Variants in EHD4 observed in about 807,000 individuals in gnomAD.
The protein encoded by EHD4 is EH domain-containing protein 4.
A neutral mutation model predicts 51.0 loss-of-function variants in EHD4; 37 were observed. The ratio of observed to expected loss-of-function variants is 0.73; its 90% CI spans 0.56 to 0.95. The LOEUF is 0.95. Among genes scored for constraint, EHD4 ranks in the 40% least tolerant of loss-of-function variants. The pLI, the probability that EHD4 is intolerant of heterozygous loss-of-function variation, is 0.00. For missense variants in EHD4, 632 were observed against 733.1 expected, an observed-to-expected ratio of 0.86 and a Z score of 1.59; for synonymous variants, 297 against 317.3, an observed-to-expected ratio of 0.94 and a Z score of 0.68.
intron 3 of EHD4, among the ~76,000 whole-genome samples, chr15:41,940,298 C>A (rs545791711): frequency 2.6e-5 from 4 of 152,164 alleles, no homozygotes; most frequent in Non-Finnish European, 5.9e-5. Context: ...CAGTTTGTAC[C>A]CAGTCTATTA....
chr15:41,937,940 C>T (rs550166861), intron 3 of EHD4, among the ~76,000 whole-genome samples: 1 of 152,264 alleles, frequency 6.6e-6, no homozygotes, highest in Admixed American at 6.5e-5. Context: ...GGAATATCTG[C>T]ACATACATAT....
chr15:41,908,711 T>A (rs2067528250), intron 5 of EHD4: 1 of 152,216 alleles, frequency 6.6e-6, no homozygotes, highest in African/African-American at 2.4e-5. Context: ...CATTGTCCAA[T>A]CTGCCCTGCC....
chr15:41,901,813 C>A, intron 5 of EHD4, among the ~76,000 whole-genome samples: 1 of 152,310 alleles, frequency 6.6e-6, no homozygotes, highest in Non-Finnish European at 1.5e-5. Flanking sequence ...ACAGGAACCC[C>A]GTAGGACCAG....
chr15:41,933,689 T>C (rs1481373175), intron 3 of EHD4, among the ~76,000 whole-genome samples: 1 of 152,140 alleles, frequency 6.6e-6, no homozygotes, highest in Non-Finnish European at 1.5e-5. Flanking sequence ...TTACCACCTC[T>C]AGCAACAGGG....
intron 2 of EHD4, among the ~76,000 whole-genome samples, chr15:41,948,745 T>C (rs544203603): frequency 2.3e-4 from 35 of 152,226 alleles, no homozygotes; most frequent in African/African-American, 8.4e-4. Context: ...TATTCAAAAC[T>C]TGGCTAGGCA....
intron 3 of EHD4, among the ~76,000 whole-genome samples, chr15:41,938,355 T>C (rs965160105): frequency 2.0e-5 from 3 of 152,224 alleles, no homozygotes; most frequent in African/African-American, 7.2e-5. Flanking sequence ...TGTTTGTATA[T>C]AGACGTTAAA....
At chr15:41,953,695 G>A (rs1203834927) in intron 2 of EHD4, 69 bp downstream of exon 2, 4 of 1,478,316 alleles carry the variant, frequency 2.7e-6, no homozygotes, top group Admixed American at 4.7e-5. Context: ...ACCTTTATAT[G>A]TAACTGGCAG....
intron 5 of EHD4, among the ~76,000 whole-genome samples, chr15:41,909,313 CG>C (rs1821048529): frequency 6.6e-6 from 1 of 152,182 alleles, no homozygotes; most frequent in Non-Finnish European, 1.5e-5. Flanking sequence ...AATCCCACGG[CG>C]TGAGGCAGGT....
At chr15:41,931,000 G>A (rs913907622) in intron 3 of EHD4, among the ~76,000 whole-genome samples, 1 of 152,142 alleles carries the variant, frequency 6.6e-6, no homozygotes, top group Non-Finnish European at 1.5e-5. Flanking sequence ...GAGATGGTGG[G>A]CATGTAAACA....
At position 41,909,774 on chromosome 15, in the gene EHD4, T is replaced by C. The variant is rs758222613; in HGVS notation, c.1014A>G (p.Leu338=). ...ENKKRELISR[L]PEIYIQLQRE... ...GCTGTAGCTGAATGTAGATTTCCGG[T>C]AGCCTGCTGATAAGCTCTCTCTTCT... The change falls in exon 5 of 6, where the codon CTA becomes CTG. Residue 338 remains leucine (L), a synonymous_variant. Coordinates refer to ENST00000220325, the MANE Select transcript of EHD4 (RefSeq NM_139265.4). 44 of 1,614,110 alleles carry C rather than the reference T, an allele frequency of 2.7e-5. No homozygotes were observed. The highest frequency in any genetic ancestry group is 5.0e-5 in the Admixed American group (3 of 60,004).
At chr15:41,953,681 T>C in intron 2 of EHD4, 83 bp downstream of exon 2, 1 of 1,429,954 alleles carries the variant, frequency 7.0e-7, no homozygotes, top group African/African-American at 1.4e-5. Context: ...TCTTCTGTTT[T>C]TGAACCTTTA....
At chr15:41,957,449 C>T (rs138776731) in intron 1 of EHD4, among the ~76,000 whole-genome samples, 1 of 152,302 alleles carries the variant, frequency 6.6e-6, no homozygotes, top group Non-Finnish European at 1.5e-5. Flanking sequence ...TCATTTCCTG[C>T]AGGGCATGGT....
intron 1 of EHD4, among the ~76,000 whole-genome samples, chr15:41,971,129 T>C (rs764666414): frequency 2.0e-5 from 3 of 152,264 alleles, no homozygotes; most frequent in Non-Finnish European, 4.4e-5. Context: ...GGATTTAACA[T>C]ATTTCCTGTA....
intron 2 of EHD4, among the ~76,000 whole-genome samples, chr15:41,949,938 G>A (rs1047865297): frequency 6.6e-6 from 1 of 152,138 alleles, no homozygotes; most frequent in African/African-American, 2.4e-5. Context: ...CTCCTCCTCT[G>A]TGAGGGGCAA....
chr15:41,972,327 G>T lies in EHD4; in HGVS notation c.168C>A (p.Ala56=). 6.2e-7 allele frequency: 1 copy of T among 1,611,190 alleles called. No homozygotes were observed. The highest frequency in any genetic ancestry group is 8.5e-7 in the Non-Finnish European group (1 of 1,178,794). The change falls in exon 1 of 6, where the codon GCC becomes GCA. Residue 56 remains alanine (A), a synonymous_variant. Coordinates refer to ENST00000220325, the MANE Select transcript of EHD4 (RefSeq NM_139265.4). ...HEFHSPALED[A]DFENKPMILL... Reference sequence around the variant, plus strand: ...GGATCATGGGCTTGTTCTCGAAGTCGGCGTCCTCCAGCGCAGGCGAGTGGA... The same window carrying T: ...GGATCATGGGCTTGTTCTCGAAGTCTGCGTCCTCCAGCGCAGGCGAGTGGA...
chr15:41,936,095 G>C (rs911766106), intron 3 of EHD4, among the ~76,000 whole-genome samples: 2 of 152,198 alleles, frequency 1.3e-5, no homozygotes, highest in African/African-American at 4.8e-5. Context: ...AGAGATTTAG[G>C]TGGAACCTGC....
chr15:41,901,998 G>A (rs2067480705), intron 5 of EHD4, among the ~76,000 whole-genome samples: 1 of 152,194 alleles, frequency 6.6e-6, no homozygotes, highest in Admixed American at 6.5e-5. Context: ...GGGCTGGGGA[G>A]CACGAGGGAA....
At chr15:41,964,649 T>C (rs2067949756) in intron 1 of EHD4, among the ~76,000 whole-genome samples, 2 of 152,000 alleles carry the variant, frequency 1.3e-5, no homozygotes, top group Non-Finnish European at 2.9e-5. Context: ...TTAGTTTTAC[T>C]GGCAGTTTGG....
intron 2 of EHD4, among the ~76,000 whole-genome samples, chr15:41,952,331 A>G (rs1308814656): frequency 6.6e-6 from 1 of 152,220 alleles, no homozygotes; most frequent in African/African-American, 2.4e-5. Context: ...CTCCCTAAAG[A>G]GGCTCGGATG....
Sources: allele counts gnomAD v4.1 joint callset (sites outside exome capture counted in the v4.1 genomes callset), GRCh38; gene constraint gnomAD v4.1.1; transcripts MANE v1.5; gene names NCBI Gene and HGNC (gene_info 2026-07-23, HGNC 2026-07-21).